Variants in DCLK1 observed in about 807,000 individuals in gnomAD.
DCLK1 encodes doublecortin like kinase 1.
Under a neutral mutation model 86.2 loss-of-function variants are expected in DCLK1, and 16 were observed. The observed-to-expected ratio is 0.19, with a 90% CI of 0.13 to 0.28. The LOEUF is 0.28. Among genes scored for constraint, DCLK1 ranks in the 10% least tolerant of loss-of-function variants. The pLI, the probability that DCLK1 is intolerant of heterozygous loss-of-function variation, is 1.00. For missense variants in DCLK1, 590 were observed against 940.2 expected (o/e 0.63, Z 4.87); for synonymous variants, 369 against 370.5 (o/e 1.00, Z 0.05).
At chr13:35,804,578 G>A (rs1056135063) in intron 15 of DCLK1, among the ~76,000 whole-genome samples, 1 of 151,728 alleles carries the variant, frequency 6.6e-6, no homozygotes, top group Admixed American at 6.6e-5. Context: ...GATTACAGGT[G>A]CGCACCACCA....
At chr13:36,053,239 G>A (rs973495821) in intron 3 of DCLK1, among the ~76,000 whole-genome samples, 3 of 152,046 alleles carry the variant, frequency 2.0e-5, no homozygotes, top group Non-Finnish European at 2.9e-5. Context: ...GGTACTAGGC[G>A]GCCACTGGAA....
chr13:35,980,885 T>C (rs1209520829), intron 3 of DCLK1, among the ~76,000 whole-genome samples: 1 of 152,140 alleles, frequency 6.6e-6, no homozygotes, highest in Non-Finnish European at 1.5e-5. Flanking sequence ...CTTAAACTCC[T>C]GGGCTCAAGT....
chr13:35,937,804 T>A (rs1015285179), intron 4 of DCLK1, among the ~76,000 whole-genome samples: 2 of 152,200 alleles, frequency 1.3e-5, no homozygotes, highest in South Asian at 2.1e-4. Flanking sequence ...AATGATCAGG[T>A]TGAAGAAGTG....
intron 5 of DCLK1, among the ~76,000 whole-genome samples, chr13:35,868,560 T>A (rs143885111): frequency 6.6e-6 from 1 of 152,220 alleles, no homozygotes; most frequent in Non-Finnish European, 1.5e-5. Context: ...GATGGAGAAC[T>A]AATTTTGTTT....
chr13:35,823,878 G>C (rs8002032), intron 10 of DCLK1, among the ~76,000 whole-genome samples: 29,141 of 152,182 alleles, frequency 0.19, 3,204 homozygotes, highest in East Asian at 0.4. Context: ...CTGTGCCCCT[G>C]TACAGTCTCC....
chr13:36,023,903 T>TTC (rs1178791259), intron 3 of DCLK1, among the ~76,000 whole-genome samples: 14 of 147,502 alleles, frequency 9.5e-5, no homozygotes, highest in South Asian at 4.4e-4. Flanking sequence ...CTTTCTTTCT[T>TTC]TTTTTTTTTT....
rs1447112603 is a variant in DCLK1 at position 36,112,226 on chromosome 13, G to A, written c.377-11C>T. ...ATACATAACTCTCTCCTAAGGAAGA[G>A]AGAAATATATTTAAATTTATACTAA... On this transcript the variant is annotated splice_polypyrimidine_tract_variant and intron_variant, in intron 2 of 16. Transcript: ENST00000360631. 6 of 1,523,616 alleles carry A rather than the reference G, an allele frequency of 3.9e-6. No homozygotes were observed. Among genetic ancestry groups the A allele is most frequent in the East Asian group, 2.3e-5 (1 of 43,732 alleles). The allele number at this position is 1,523,616 out of a possible 1,614,324, so 94.4% of individuals were successfully genotyped here.
intron 15 of DCLK1, among the ~76,000 whole-genome samples, chr13:35,803,353 G>A (rs1763347357): frequency 6.6e-6 from 1 of 152,132 alleles, no homozygotes; most frequent in African/African-American, 2.4e-5. Context: ...TGTTGTTGAG[G>A]CTGGAAGTGA....
chr13:35,845,838 G>A, intron 6 of DCLK1: 7 of 804,162 alleles, frequency 8.7e-6, no homozygotes, highest in Non-Finnish European at 1.1e-5. Context: ...TCCCACATGT[G>A]GTCATTTCAA....
intron 16 of DCLK1, among the ~76,000 whole-genome samples, chr13:35,787,278 G>A (rs751050706): frequency 7.8e-6 from 1 of 128,502 alleles, no homozygotes; most frequent in African/African-American, 4.0e-5. Context: ...CAAAACCAGT[G>A]GAATTTTTTT....
intron 4 of DCLK1, among the ~76,000 whole-genome samples, chr13:35,885,201 C>T (rs1566585534): frequency 6.6e-6 from 1 of 152,130 alleles, no homozygotes; most frequent in Non-Finnish European, 1.5e-5. Context: ...CTGAGAAAGA[C>T]CTCCAACCTG....
At chr13:35,791,757 G>A (rs2086711357) in intron 16 of DCLK1, among the ~76,000 whole-genome samples, 1 of 151,986 alleles carries the variant, frequency 6.6e-6, no homozygotes, top group Admixed American at 6.6e-5. Flanking sequence ...GAAAAAAAAA[G>A]AAAACAAAAG....
chr13:35,929,848 A>G (rs1300747262), intron 4 of DCLK1, among the ~76,000 whole-genome samples: 1 of 134,668 alleles, frequency 7.4e-6, no homozygotes, highest in East Asian at 2.2e-4. Context: ...TGTCACCCAC[A>G]CAATCATTTT....
At chr13:36,126,626 A>T (rs1319107062) in intron 1 of DCLK1, among the ~76,000 whole-genome samples, 3 of 152,132 alleles carry the variant, frequency 2.0e-5, no homozygotes, top group Non-Finnish European at 4.4e-5. Context: ...AACTGATGAC[A>T]CATTTAATAT....
At chr13:36,086,469 T>TA (rs1884606034) in intron 3 of DCLK1, among the ~76,000 whole-genome samples, 1 of 147,314 alleles carries the variant, frequency 6.8e-6, no homozygotes. Context: ...TTTTTTTTTT[T>TA]AATATTTTAA....
chr13:36,130,775 C>A (rs1464222789), intron 1 of DCLK1, among the ~76,000 whole-genome samples: 2 of 152,212 alleles, frequency 1.3e-5, no homozygotes, highest in Non-Finnish European at 2.9e-5. Flanking sequence ...TGACAAGCAC[C>A]TCTCCCAGCT....
At chr13:36,006,273 G>A (rs749381558) in intron 3 of DCLK1, among the ~76,000 whole-genome samples, 3 of 152,194 alleles carry the variant, frequency 2.0e-5, no homozygotes, top group Non-Finnish European at 2.9e-5. Context: ...CCTTTTCCAG[G>A]CAGCCGTACC....
At chr13:36,034,384 A>G (rs115903148) in intron 3 of DCLK1, among the ~76,000 whole-genome samples, 2,120 of 152,230 alleles carry the variant, frequency 0.014, 37 homozygotes, top group African/African-American at 0.046. Flanking sequence ...TTTTTCCTGT[A>G]TCTTTTGTTT....
intron 11 of DCLK1, among the ~76,000 whole-genome samples, chr13:35,821,305 T>A (rs1402212153): frequency 6.6e-6 from 1 of 152,130 alleles, no homozygotes; most frequent in East Asian, 1.9e-4. Context: ...TTACTAGCTT[T>A]TATTTGTGTC....
Sources: gnomAD v4.1 joint callset for allele counts (sites outside exome capture counted in the v4.1 genomes callset) on GRCh38, gnomAD v4.1.1 for gene constraint, MANE v1.5 for transcripts, NCBI Gene and HGNC (gene_info 2026-07-23, HGNC 2026-07-21) for gene names.